Variants in TAF6 observed in about 807,000 individuals in gnomAD.
TAF6 encodes TATA-box binding protein associated factor 6, also known as transcription initiation factor TFIID subunit 6.
Under a neutral mutation model 73.5 loss-of-function variants are expected in TAF6, and 50 were observed. The observed-to-expected ratio is 0.68, with a 90% confidence interval of 0.54 to 0.86. The LOEUF (loss-of-function observed/expected upper bound fraction) is 0.86. TAF6 is among the 40% of genes least tolerant of loss of function. The probability of loss-of-function intolerance (pLI) is 0.00; values close to 1 mark genes in which losing one functional copy is unlikely to be tolerated. For missense variants in TAF6, 768 were observed against 899.5 expected (o/e 0.85, Z 1.87); for synonymous variants, 424 against 376.7 (o/e 1.13, Z -1.45).
chr7:100,114,320 G>A (rs1329383482), intron 1 of TAF6, 52 bp from the exon 2 acceptor site: 1 of 1,566,652 alleles, frequency 6.4e-7, no homozygotes, highest in African/African-American at 1.3e-5. Flanking sequence ...GACACAGGGA[G>A]AGGGCCAACA....
Position 100,117,358 on chromosome 7 carries a change from G to A in TAF6, c.-60+1846C>T, listed in dbSNP as rs1406750462. 4.4e-5 allele frequency among the ~76,000 whole-genome samples: 6 copies of A among 137,276 alleles called. No individual in the cohort carries two copies. The East Asian group carries it at 7.7e-4, about 18-fold the overall frequency. 90.1% of individuals were successfully genotyped at this position (137,276 alleles called of 152,430 possible). ...GCGATCTTGGCTCACTGCAACCTCC[G>A]CCTCCCAGATTCAAGCAATTCTCCT... is the stretch of plus-strand genomic sequence containing the variant. On this transcript the variant is annotated intron_variant, in intron 1 of 14. Coordinates refer to ENST00000453269, the MANE Select transcript of TAF6 (RefSeq NM_139315.3).
intron 4 of TAF6, 65 bp from the exon 5 acceptor site, chr7:100,113,470 A>G (rs1797389213): frequency 6.5e-7 from 1 of 1,528,492 alleles, no homozygotes; most frequent in South Asian, 1.3e-5. Flanking sequence ...GCCCCATGCT[A>G]TGGAAGCGTG....
chr7:100,107,500 T>TG lies in TAF6; in HGVS notation c.1779dup (p.Ser594GlnfsTer144), dbSNP rs750417514. 5.6e-6 allele frequency: 9 copies of TG among 1,613,812 alleles called. No homozygotes were observed. The highest frequency in any genetic ancestry group is 2.7e-5 in the African/African-American group (2 of 74,860). ...CTCCCAGGACCAGAGGGAGCAGTGC[T>TG]GGGGGGTGCGGTGGTGGCGGTGGAG... On this transcript the variant is annotated frameshift_variant, in exon 15 of 15. Coordinates refer to ENST00000453269, the MANE Select transcript of TAF6 (RefSeq NM_139315.3). LOFTEE classifies it high-confidence loss of function.
chr7:100,117,781 G>A (rs1184986946), intron 1 of TAF6, among the ~76,000 whole-genome samples: 5 of 151,226 alleles, frequency 3.3e-5, no homozygotes, highest in Non-Finnish European at 7.4e-5. Context: ...GGTGGCTCAC[G>A]CCTGTAATCC....
chr7:100,112,313 A>C (rs1797258813), intron 6 of TAF6, 60 bp from the exon 7 acceptor site: 2 of 1,574,734 alleles, frequency 1.3e-6, no homozygotes, highest in Non-Finnish European at 8.6e-7. Flanking sequence ...TCAGTAACAG[A>C]AGAACCTTAA....
chr7:100,122,355 AGAG>A, upstream of TAF6: 1 of 1,614,132 alleles, frequency 6.2e-7, no homozygotes, highest in Non-Finnish European at 8.5e-7. Flanking sequence ...GATACAGGCA[AGAG>A]GAAGAGACAC....
chr7:100,122,578 G>A (rs757461824), upstream of TAF6: 3 of 1,600,776 alleles, frequency 1.9e-6, no homozygotes, highest in East Asian at 4.5e-5. Context: ...ATATGCCAAG[G>A]TCAGACCCTT....
chr7:100,110,668 G>A (rs1433592343), intron 10 of TAF6, among the ~76,000 whole-genome samples: 1 of 152,170 alleles, frequency 6.6e-6, no homozygotes, highest in Admixed American at 6.5e-5. Context: ...AAAATTAGCT[G>A]GGTGTGGCGG....
rs1797197195 is a variant in TAF6 at position 100,111,722 on chromosome 7, A to G, written c.900+6T>C. ...CCTGGAAGGGAGGATGGGCAGGATC[A>G]CTCACGTATTTTTCTAGATAGAGCG... On this transcript the variant is annotated splice_donor_region_variant and intron_variant, in intron 9 of 14. Coordinates refer to ENST00000453269, the MANE Select transcript of TAF6 (RefSeq NM_139315.3). 1.6e-5 allele frequency: 26 copies of G among 1,613,844 alleles called. No individual in the cohort carries two copies. Among genetic ancestry groups the G allele is most frequent in the Non-Finnish European group, 2.2e-5 (26 of 1,179,836 alleles).
the TAF6 span, chr7:100,124,929 G>C: frequency 6.5e-7 from 1 of 1,547,492 alleles, no homozygotes; most frequent in Non-Finnish European, 8.7e-7. Flanking sequence ...GGATCATGGA[G>C]AGCCCTCTAA....
upstream of TAF6, chr7:100,122,224 T>C (rs768957629): frequency 4.3e-6 from 7 of 1,612,016 alleles, no homozygotes; most frequent in Admixed American, 5.0e-5. Context: ...GTGTTTGTCT[T>C]TTACCTCCCC....
upstream of TAF6, chr7:100,122,308 TCGATCTCGAGAGGTG>T: frequency 1.2e-6 from 2 of 1,612,380 alleles, no homozygotes; most frequent in Non-Finnish European, 1.7e-6. Context: ...GTCGCACCGG[TCGATCTCGAGAGGTG>T]CTGGAGCTGG....
intron 11 of TAF6, 21 bp from the exon 12 acceptor site, chr7:100,110,094 A>G: frequency 6.2e-7 from 1 of 1,614,070 alleles, no homozygotes; most frequent in South Asian, 1.1e-5. Context: ...GGAAAAGGAC[A>G]AGCAAAAGCC....
At chr7:100,124,031 G>C (rs1798151983), upstream of TAF6, among the ~76,000 whole-genome samples, 1 of 152,048 alleles carries the variant, frequency 6.6e-6, no homozygotes, top group Non-Finnish European at 1.5e-5. Context: ...CAGCTACTCA[G>C]GAAGCTGAGG....
chr7:100,119,059 C>T, intron 1 of TAF6, 145 bp downstream of exon 1: 1 of 986,168 alleles, frequency 1.0e-6, no homozygotes, highest in Non-Finnish European at 1.2e-6. Flanking sequence ...GAAGGGTTAA[C>T]TTAAGCGAGA....
At chr7:100,109,053 T>C (rs1034945972) in intron 12 of TAF6, 1 of 145,126 alleles carries the variant, frequency 6.9e-6, no homozygotes, top group South Asian at 2.2e-4. Context: ...CTGGGTGTGG[T>C]GGTTCATGCC....
upstream of TAF6, chr7:100,119,907 T>G (rs755570817): frequency 6.5e-7 from 1 of 1,527,708 alleles, no homozygotes; most frequent in Non-Finnish European, 8.9e-7. Flanking sequence ...CGGCCACACC[T>G]CCTTCTTCTA....
chr7:100,113,363 T>G lies in TAF6; in HGVS notation c.440A>C (p.Glu147Ala). 1 of 1,595,474 alleles carries G rather than the reference T, an allele frequency of 6.3e-7. No individual in the cohort carries two copies. Among genetic ancestry groups the G allele is most frequent in the South Asian group, 1.1e-5 (1 of 89,282 alleles). Residue 147 changes from glutamate (E) to alanine (A), a missense_variant, in exon 5 of 15, where the codon GAG becomes GCG. Glu to Ala is a moderately radical substitution (Grantham distance 107). This residue lies in a region of TAF6 where 269 missense variants were observed against 268.0 expected (regional missense o/e 1.00). Transcript: ENST00000453269. ...ATGGAGGTTACCTGGGGGCGGGTTC[T>G]CGGGGATAGCTGGCTGGCAGCCCTC... is the stretch of plus-strand genomic sequence containing the variant. Reference protein sequence around the residue: ...SIEGCQPAIPENPPPAPKEQQ... With the variant: ...SIEGCQPAIPANPPPAPKEQQ...
upstream of TAF6, chr7:100,119,985 T>C: frequency 1.2e-6 from 1 of 844,506 alleles, no homozygotes; most frequent in Non-Finnish European, 1.8e-6. Flanking sequence ...GAGGTTCTGG[T>C]GGAGCTTGGC....
Sources: gnomAD v4.1 joint callset for allele counts (sites outside exome capture counted in the v4.1 genomes callset) on GRCh38, gnomAD v4.1.1 for gene constraint, gnomAD v4.1.1 regional missense constraint, MANE v1.5 for transcripts, NCBI Gene and HGNC (gene_info 2026-07-23, HGNC 2026-07-21) for gene names.